The following RBL1 variants were observed in gnomAD, a reference collection of about 807,000 sequenced individuals.
RBL1 encodes the protein RB transcriptional corepressor like 1, also known as retinoblastoma-like protein 1.
RBL1 carries 82 observed loss-of-function variants against 123.0 expected under a neutral mutation model. The ratio of observed to expected loss-of-function variants is 0.67; its 90% CI spans 0.56 to 0.80. RBL1 has a LOEUF of 0.80. Ranked by LOEUF, RBL1 falls within the 30% of genes least tolerant of loss-of-function variation. The pLI, the probability that RBL1 is intolerant of heterozygous loss-of-function variation, is 0.00. For synonymous variants in RBL1, 405 were observed against 441.3 expected (o/e 0.92, Z 1.03); for missense variants, 1,171 against 1,299.6 (o/e 0.90, Z 1.52).
chr20:37,004,074 T>TC (rs1424190280), intron 20 of RBL1, among the ~76,000 whole-genome samples: 1 of 151,722 alleles, frequency 6.6e-6, no homozygotes, highest in Non-Finnish European at 1.5e-5. Flanking sequence ...CTGAATCTTT[T>TC]TTTTTTTTTG....
chr20:37,012,727 C>G (rs1271094098), intron 19 of RBL1, among the ~76,000 whole-genome samples: 3 of 145,612 alleles, frequency 2.1e-5, no homozygotes, highest in African/African-American at 5.1e-5. Flanking sequence ...CCGCCCCGTC[C>G]GGGAGGGAGG....
At chr20:37,093,825 G>A (rs141606102) in intron 1 of RBL1, among the ~76,000 whole-genome samples, 3,065 of 152,068 alleles carry the variant, frequency 0.02, 108 homozygotes, top group African/African-American at 0.071. Flanking sequence ...ATTTTTAGTA[G>A]AGACGGGGTT....
In RBL1 at chr20:37,004,013, ACTT is replaced by A. The variant is rs543955404; in HGVS notation, c.2872-150_2872-148del. 938 of 593,654 alleles carry A rather than the reference ACTT, an allele frequency of 1.6e-3. 7 individuals are homozygous for A. Among genetic ancestry groups the A allele is most frequent in the South Asian group, 0.012 (265 of 22,502 alleles). The allele number at this position is 593,654 out of a possible 1,614,324, so 36.8% of individuals were successfully genotyped here. A position where few individuals can be genotyped will look rare whatever the true frequency, so the allele number is the denominator to read the frequency against. On this transcript the variant is annotated intron_variant, in intron 20 of 21. Transcript: ENST00000373664. ...TGGTTGAGAAAAAAAATGATCCTTT[ACTT>A]CTTCTTTTTTTTTTTTAACAACAAT...
chr20:37,095,959 G>C lies in RBL1; in HGVS notation c.-31C>G. 6.8e-7 allele frequency: 1 copy of C among 1,462,688 alleles called. No homozygotes were observed. Among genetic ancestry groups the C allele is most frequent in the Non-Finnish European group, 9.1e-7 (1 of 1,097,836 alleles). The allele number at this position is 1,462,688 out of a possible 1,614,324, so 90.6% of individuals were successfully genotyped here. Reference sequence around the variant, plus strand: ...CAGGCCCCGCGGGCTGCGCGCCACGGCCCCCGACTTCTTTCTCCCTCCCAG... The same window carrying C: ...CAGGCCCCGCGGGCTGCGCGCCACGCCCCCCGACTTCTTTCTCCCTCCCAG... On this transcript the variant is annotated 5_prime_UTR_variant, in exon 1 of 22. Transcript: ENST00000373664.
intron 14 of RBL1, among the ~76,000 whole-genome samples, chr20:37,039,408 T>A (rs202227066): frequency 6.6e-6 from 1 of 152,150 alleles, no homozygotes; most frequent in East Asian, 1.9e-4. Context: ...TTCCCATAAT[T>A]CCCACGTGTC....
chr20:37,062,345 T>C (rs969580285), intron 7 of RBL1, 75 bp from the exon 8 acceptor site: 86 of 1,520,738 alleles, frequency 5.7e-5, no homozygotes, highest in Non-Finnish European at 6.9e-5. Flanking sequence ...ATAGATTTAG[T>C]GTTTACAGCT....
chr20:37,023,512 TA>T (rs2146231870), intron 16 of RBL1, among the ~76,000 whole-genome samples: 1 of 152,222 alleles, frequency 6.6e-6, no homozygotes, highest in African/African-American at 2.4e-5. Context: ...TGCCAAATAA[TA>T]AATGAAATAT....
chr20:37,093,098 C>G (rs911574678), intron 1 of RBL1, among the ~76,000 whole-genome samples: 2 of 151,984 alleles, frequency 1.3e-5, no homozygotes, highest in African/African-American at 4.8e-5. Context: ...CAGTGAATAA[C>G]TGATTTTGAC....
At chr20:37,038,671 T>G (rs2064671061) in intron 14 of RBL1, among the ~76,000 whole-genome samples, 1 of 149,408 alleles carries the variant, frequency 6.7e-6, no homozygotes, top group Admixed American at 6.7e-5. Context: ...GGTGTGATCT[T>G]GGCTCACTGC....
At chr20:37,022,070 G>T (rs1330481408) in intron 17 of RBL1, 1 of 152,072 alleles carries the variant, frequency 6.6e-6, no homozygotes, top group African/African-American at 2.4e-5. Context: ...GTGGGAGGAG[G>T]GGTCACAAAG....
chr20:37,049,222 C>CA (rs947051517), intron 11 of RBL1: 225 of 397,944 alleles, frequency 5.7e-4, no homozygotes, highest in South Asian at 8.1e-4. Context: ...AAACAAAAAA[C>CA]AAAAAAAAAT....
Position 37,032,782 on chromosome 20 carries a change from A to C in RBL1, c.2265T>G (p.Ala755=), listed in dbSNP as rs142654530. Residue 755 remains alanine, a synonymous_variant, in exon 16 of 22, where the codon GCT becomes GCG. Transcript: ENST00000373664. ...TTGGAGAAGCACCAATTAATGAATGAGCAGTAAGTGATACAGGACTCTTGA... is the reference window on the plus strand; with the variant it reads ...TTGGAGAAGCACCAATTAATGAATGCGCAGTAAGTGATACAGGACTCTTGA... ...SKVKSPVSLT[A]HSLIGASPKQ... 2.0e-5 allele frequency: 32 copies of C among 1,614,092 alleles called. No individual in the cohort carries two copies. The East Asian group carries it at 7.1e-4, about 36-fold the overall frequency.
intron 2 of RBL1, among the ~76,000 whole-genome samples, chr20:37,071,241 C>T (rs1221913401): frequency 6.6e-6 from 1 of 152,144 alleles, no homozygotes; most frequent in Non-Finnish European, 1.5e-5. Flanking sequence ...TACTTGAGTC[C>T]ATTTCGCCTG....
rs763338710 is a variant in RBL1 at position 36,998,754 on chromosome 20, C to T, written c.*5G>A. ...AGTGCTTTTATCATAGAAACAAGAACAACATTAATGATTTGCTCTTTCACT... is the reference window on the plus strand; with the variant it reads ...AGTGCTTTTATCATAGAAACAAGAATAACATTAATGATTTGCTCTTTCACT... On this transcript the variant is annotated 3_prime_UTR_variant, in exon 22 of 22. Coordinates refer to ENST00000373664, the MANE Select transcript of RBL1 (RefSeq NM_002895.5). 1.2e-6 allele frequency: 2 copies of T among 1,604,216 alleles called. No homozygotes were observed. Among genetic ancestry groups the T allele is most frequent in the Non-Finnish European group, 1.7e-6 (2 of 1,174,886 alleles).
chr20:37,000,566 G>A (rs2063955869), intron 21 of RBL1, among the ~76,000 whole-genome samples: 1 of 141,406 alleles, frequency 7.1e-6, no homozygotes, highest in Non-Finnish European at 1.6e-5. Flanking sequence ...CCCTCTGCCC[G>A]GCCAGCCGCC....
chr20:37,089,334 A>G (rs2065609410), intron 1 of RBL1, among the ~76,000 whole-genome samples: 1 of 152,190 alleles, frequency 6.6e-6, no homozygotes, highest in Non-Finnish European at 1.5e-5. Flanking sequence ...TTTTACAACT[A>G]TAACATGCTA....
intron 1 of RBL1, 42 bp from the exon 2 acceptor site, chr20:37,089,164 T>G (rs748039426): frequency 5.9e-6 from 9 of 1,517,864 alleles, no homozygotes; most frequent in Non-Finnish European, 8.0e-6. Context: ...TATAATATTA[T>G]GTTAAAATGC....
chr20:37,022,407 G>A (rs1375020767), intron 17 of RBL1, among the ~76,000 whole-genome samples: 2 of 152,032 alleles, frequency 1.3e-5, no homozygotes, highest in Non-Finnish European at 2.9e-5. Flanking sequence ...GCTCACTGCA[G>A]CCTTGGCCTC....
chr20:37,049,147 G>A, intron 11 of RBL1: 1 of 244,462 alleles, frequency 4.1e-6, no homozygotes, highest in South Asian at 6.1e-5. Context: ...AGGTGCAGTG[G>A]GCCGAGGTCA....
Sources: allele counts gnomAD v4.1 joint callset (sites outside exome capture counted in the v4.1 genomes callset), GRCh38; gene constraint gnomAD v4.1.1; transcripts MANE v1.5; gene names NCBI Gene and HGNC (gene_info 2026-07-23, HGNC 2026-07-21).